Variants in MYLK observed in about 807,000 individuals in gnomAD.
MYLK encodes the protein myosin light chain kinase.
MYLK carries 106 observed loss-of-function variants against 203.4 expected under a neutral mutation model. That is an observed-to-expected ratio of 0.52 (90% confidence interval 0.45 to 0.61). The LOEUF is 0.61. Among genes scored for constraint, MYLK ranks in the 20% least tolerant of loss-of-function variants. The probability of loss-of-function intolerance (pLI) is 0.00; values close to 1 mark genes in which losing one functional copy is unlikely to be tolerated. For synonymous variants in MYLK, 867 were observed against 959.5 expected (o/e 0.90, Z 1.78); for missense variants, 2,072 against 2,442.3 (o/e 0.85, Z 3.20).
intron 3 of MYLK, among the ~76,000 whole-genome samples, chr3:123,805,014 A>T (rs2065319938): frequency 6.6e-6 from 1 of 152,076 alleles, no homozygotes; most frequent in Non-Finnish European, 1.5e-5. Flanking sequence ...CCAGACTCTT[A>T]TCAAGTGAAG....
At chr3:123,864,669 CT>C (rs1390417633) in intron 2 of MYLK, among the ~76,000 whole-genome samples, 3 of 152,112 alleles carry the variant, frequency 2.0e-5, no homozygotes, top group Admixed American at 1.3e-4. Flanking sequence ...CTTTGGGAGG[CT>C]GAGACAGGAG....
Position 123,613,830 on chromosome 3 carries a change from C to G in MYLK, c.*275G>C. 2 of 453,824 alleles carry G rather than the reference C, an allele frequency of 4.4e-6. No individual in the cohort carries two copies. Among genetic ancestry groups the G allele is most frequent in the South Asian group, 4.5e-5 (2 of 44,916 alleles). The allele number at this position is 453,824 out of a possible 1,614,324, so 28.1% of individuals were successfully genotyped here. On this transcript the variant is annotated 3_prime_UTR_variant, in exon 34 of 34. Transcript: ENST00000360304. ...TAAATATTTGGTTTGGTTACTTTCT[C>G]TCTAAAATCAATTGGTCAGTCAAGT...
At chr3:123,761,372 C>T (rs761669794) in intron 4 of MYLK, among the ~76,000 whole-genome samples, 15 of 152,200 alleles carry the variant, frequency 9.9e-5, no homozygotes, top group South Asian at 2.1e-4. Context: ...ACCTGCTCCA[C>T]GTTGGGTCAG....
At chr3:123,853,345 T>C (rs139577874) in intron 2 of MYLK, among the ~76,000 whole-genome samples, 9 of 152,160 alleles carry the variant, frequency 5.9e-5, no homozygotes, top group East Asian at 1.9e-4. Context: ...CTATTTCTTA[T>C]GGAAAAGGAA....
rs72626349 is a variant in MYLK, at chr3:123,671,630, T to C, written c.3653-4443A>G. 0.027 allele frequency among the ~76,000 whole-genome samples: 4,062 copies of C among 151,020 alleles called. 362 individuals carry two copies. The East Asian group carries it at 0.34, about 13-fold the overall frequency. ...AGATTCTTGAGCAAACAGTGGGGAG[T>C]AAAATAGTCAAGGATCCTGGAGGTG... is the stretch of plus-strand genomic sequence containing the variant. On this transcript the variant is annotated intron_variant, in intron 20 of 33. Coordinates refer to ENST00000360304, the MANE Select transcript of MYLK (RefSeq NM_053025.4).
intron 4 of MYLK, among the ~76,000 whole-genome samples, chr3:123,784,667 C>T (rs1339606668): frequency 6.6e-6 from 1 of 152,076 alleles, no homozygotes; most frequent in Non-Finnish European, 1.5e-5. Flanking sequence ...TTAAAAACAA[C>T]AATTTTCTTA....
chr3:123,799,302 A>G (rs2065109363), intron 3 of MYLK, among the ~76,000 whole-genome samples: 1 of 152,036 alleles, frequency 6.6e-6, no homozygotes, highest in Non-Finnish European at 1.5e-5. Context: ...CTTTAATTTG[A>G]TCAAAAGCAC....
At chr3:123,713,024 GT>G (rs1424446658) in intron 13 of MYLK, among the ~76,000 whole-genome samples, 4 of 152,160 alleles carry the variant, frequency 2.6e-5, no homozygotes, top group African/African-American at 7.2e-5. Context: ...ATACAAATGC[GT>G]TGCTTAAAAA....
At chr3:123,618,135 G>A (rs848145) in intron 33 of MYLK, 39,437 of 182,560 alleles carry the variant, frequency 0.22, 8,366 homozygotes, top group East Asian at 0.58. Context: ...GAGCCACTCC[G>A]TGACTTAGCT....
At chr3:123,711,785 T>C (rs928950153) in intron 13 of MYLK, among the ~76,000 whole-genome samples, 16 of 152,198 alleles carry the variant, frequency 1.1e-4, no homozygotes, top group Non-Finnish European at 1.6e-4. Flanking sequence ...CACAGGCATT[T>C]TGGGTTCTTC....
At chr3:123,671,836 T>A (rs996153207) in intron 20 of MYLK, among the ~76,000 whole-genome samples, 1 of 151,700 alleles carries the variant, frequency 6.6e-6, no homozygotes, top group Non-Finnish European at 1.5e-5. Flanking sequence ...GGAGACCAGA[T>A]GGGATATGGG....
rs777340868 is a variant in MYLK, at chr3:123,614,234, A to T, written c.5616T>A (p.Val1872=). ...DGNCSLIISD[V]CGDDDAKYTC... Reference sequence around the variant, plus strand: ...TGTACTTGGCATCGTCATCCCCGCAAACATCACTAATAATTAAAGAGCAGT... The same window carrying T: ...TGTACTTGGCATCGTCATCCCCGCATACATCACTAATAATTAAAGAGCAGT... Residue 1872 remains valine (V), a synonymous_variant, in exon 34 of 34, where the codon GTT becomes GTA. Transcript: ENST00000360304. 6.2e-7 allele frequency: 1 copy of T among 1,614,056 alleles called. No homozygotes were observed. The highest frequency in any genetic ancestry group is 8.5e-7 in the Non-Finnish European group (1 of 1,180,006).
intron 20 of MYLK, among the ~76,000 whole-genome samples, chr3:123,674,596 C>A (rs988604183): frequency 6.6e-6 from 1 of 152,362 alleles, no homozygotes; most frequent in South Asian, 2.1e-4. Context: ...ATTATGATTG[C>A]CTGGAAGACT....
chr3:123,774,115 A>G (rs950959027), intron 4 of MYLK, among the ~76,000 whole-genome samples: 5 of 152,194 alleles, frequency 3.3e-5, no homozygotes, highest in African/African-American at 4.8e-5. Context: ...TGTTTTCAAT[A>G]AGGCTCCACT....
chr3:123,644,524 A>C, intron 27 of MYLK: 1 of 152,198 alleles, frequency 6.6e-6, no homozygotes, highest in South Asian at 2.1e-4. Context: ...CCCAATTCCA[A>C]GCTAAGTATG....
intron 24 of MYLK, among the ~76,000 whole-genome samples, chr3:123,650,269 C>T (rs979321546): frequency 6.6e-6 from 1 of 152,320 alleles, no homozygotes; most frequent in East Asian, 1.9e-4. Context: ...TGCCACGCTT[C>T]GTCATGTGCT....
At chr3:123,790,501 T>G (rs936141170) in intron 4 of MYLK, among the ~76,000 whole-genome samples, 6 of 151,958 alleles carry the variant, frequency 3.9e-5, no homozygotes, top group Admixed American at 3.9e-4. Context: ...CGTTTGGAGC[T>G]CCTTGGAAAG....
Position 123,734,242 on chromosome 3 carries a change from GGGGTAGGGT to G in MYLK, c.774-29_774-21del. 1.4e-6 allele frequency: 2 copies of G among 1,447,796 alleles called. No homozygotes were observed. Among genetic ancestry groups the G allele is most frequent in the Non-Finnish European group, 1.8e-6 (2 of 1,095,930 alleles). The allele number at this position is 1,447,796 out of a possible 1,614,324, so 89.7% of individuals were successfully genotyped here. A position where few individuals can be genotyped will look rare whatever the true frequency, so the allele number is the denominator to read the frequency against. On this transcript the variant is annotated intron_variant, in intron 9 of 33. Transcript: ENST00000360304. ...AATGACCTGTGTGGTGGTGAGGGTG[GGGGTAGGGT>G]GGGTGAGGAGAGGGGAGAATAGAAT... is the stretch of plus-strand genomic sequence containing the variant.
chr3:123,879,050 C>A (rs1392847225), intron 1 of MYLK, among the ~76,000 whole-genome samples: 2 of 152,108 alleles, frequency 1.3e-5, no homozygotes, highest in Non-Finnish European at 2.9e-5. Context: ...TGGACCTGAC[C>A]CTTAGTCCTA....
Sources: gnomAD v4.1 joint callset for allele counts (sites outside exome capture counted in the v4.1 genomes callset) on GRCh38, gnomAD v4.1.1 for gene constraint, MANE v1.5 for transcripts, NCBI Gene and HGNC (gene_info 2026-07-23, HGNC 2026-07-21) for gene names.